The following CSAD variants were observed in gnomAD, a reference collection of about 807,000 sequenced individuals.
CSAD encodes the protein cysteine sulfinic acid decarboxylase, also known as P-selectin cytoplasmic tail-associated protein.
CSAD carries 47 observed loss-of-function variants against 61.5 expected under a neutral mutation model. The ratio of observed to expected loss-of-function variants is 0.76; its 90% CI spans 0.60 to 0.97. The LOEUF (loss-of-function observed/expected upper bound fraction) is 0.97, where lower values mean the gene tolerates loss of function less well. Among genes scored for constraint, CSAD ranks in the 50% least tolerant of loss-of-function variants. The probability of loss-of-function intolerance (pLI) is 0.00; values close to 1 mark genes in which losing one functional copy is unlikely to be tolerated. For synonymous variants in CSAD, 245 were observed against 252.7 expected, an observed-to-expected ratio of 0.97 and a Z score of 0.29; for missense variants, 611 against 643.6, an observed-to-expected ratio of 0.95 and a Z score of 0.55.
In CSAD at chr12:53,160,256, C is replaced by G; in HGVS notation, c.1030G>C (p.Asp344His). 1 of 1,614,226 alleles carries G rather than the reference C, an allele frequency of 6.2e-7. No homozygotes were observed. Among genetic ancestry groups the G allele is most frequent in the East Asian group, 2.2e-5 (1 of 44,880 alleles). The change falls in exon 14 of 17, where the codon GAT (aspartate) becomes CAT (histidine). Residue 344 changes from aspartate (D) to histidine (H), a missense_variant. Physicochemically the swap from Asp to His is moderately conservative, Grantham distance 81 (BLOSUM62 -1). Coordinates refer to ENST00000444623, the MANE Select transcript of CSAD (RefSeq NM_001244705.2). ...TTGTCTCCCGTGTCCAGAGCCACAT[C>G]GTAGAACTTGTCCTGCTGGAAAAGG... The part of the protein sequence containing the change: ...SYLFQQDKFY[D>H]VALDTGDKVV...
At chr12:53,176,578 G>T (rs1167658164) in intron 2 of CSAD, among the ~76,000 whole-genome samples, 1 of 151,736 alleles carries the variant, frequency 6.6e-6, no homozygotes, top group Non-Finnish European at 1.5e-5. Flanking sequence ...AATTAGCCCG[G>T]CATGGTGGTG....
At chr12:53,180,151 C>T (rs1052699146) in intron 1 of CSAD, 17 of 1,255,758 alleles carry the variant, frequency 1.4e-5, no homozygotes, top group African/African-American at 4.7e-5. Flanking sequence ...TGCGAGAATT[C>T]AGACTGTGGT....
At chr12:53,162,503 G>A (rs150397656) in intron 10 of CSAD, among the ~76,000 whole-genome samples, 4,224 of 152,288 alleles carry the variant, frequency 0.028, 185 homozygotes, top group African/African-American at 0.096. Context: ...GGGCAGCAGA[G>A]GTTGCAGTGA....
chr12:53,158,614 G>A lies in CSAD; in HGVS notation c.1379C>T (p.Thr460Ile), dbSNP rs779470500. ...SMMIGYQPHG[T>I]RGNFFRVVVA... ...AACCACACGGAAGAAGTTGCCCCGG[G>A]TCCCGTGGGGCTGGTAGCCAATCAT... Residue 460 changes from threonine to isoleucine, a missense_variant, in exon 17 of 17, where the codon ACC becomes ATC. By Grantham distance (89) the Thr-to-Ile change is moderately conservative. Transcript: ENST00000444623. 5 of 1,614,188 alleles carry A rather than the reference G, an allele frequency of 3.1e-6. No homozygotes were observed. The highest frequency in any genetic ancestry group is 3.4e-6 in the Non-Finnish European group (4 of 1,180,026).
chr12:53,160,759 C>A lies in CSAD; in HGVS notation c.966+4G>T, dbSNP rs762859560. 2.7e-5 allele frequency: 42 copies of A among 1,551,222 alleles called. 2 individuals are homozygous for A. The South Asian group carries it at 4.3e-4, about 16-fold the overall frequency. ...GGCTGGTGCAGGGGCAGGGGCAGAC[C>A]CACCGAGGTATCCTGGAGAAGAAGT... On this transcript the variant is annotated splice_donor_region_variant and intron_variant, in intron 13 of 16. Transcript: ENST00000444623.
intron 1 of CSAD, chr12:53,180,140 C>A: frequency 7.9e-7 from 1 of 1,265,662 alleles, no homozygotes. Context: ...AGGAACGCCT[C>A]TGCGAGAATT....
At chr12:53,163,916 C>T (rs952055690) in intron 10 of CSAD, among the ~76,000 whole-genome samples, 2 of 152,218 alleles carry the variant, frequency 1.3e-5, no homozygotes, top group African/African-American at 4.8e-5. Flanking sequence ...ACATGTAGAT[C>T]AGTGGAACAG....
rs752693160 is a variant in CSAD at position 53,158,432 on chromosome 12, G to A, written c.*79C>T. 2.4e-5 allele frequency: 35 copies of A among 1,447,880 alleles called. 1 individual carries two copies. The highest frequency in any genetic ancestry group is 4.7e-5 in the East Asian group (2 of 42,968). 89.7% of individuals were successfully genotyped at this position (1,447,880 alleles called of 1,614,324 possible). A position where few individuals can be genotyped will look rare whatever the true frequency, so the allele number is the denominator to read the frequency against. ...ATTACAGGCGTGAGCCACTGCACCCGGCCTCAAAGGCTGGGAGGGAATGCA... is the reference window on the plus strand; with the variant it reads ...ATTACAGGCGTGAGCCACTGCACCCAGCCTCAAAGGCTGGGAGGGAATGCA... On this transcript the variant is annotated 3_prime_UTR_variant, in exon 17 of 17. Coordinates refer to ENST00000444623, the MANE Select transcript of CSAD (RefSeq NM_001244705.2).
At chr12:53,163,133 G>T (rs955884429) in intron 10 of CSAD, among the ~76,000 whole-genome samples, 2 of 152,136 alleles carry the variant, frequency 1.3e-5, no homozygotes, top group African/African-American at 2.4e-5. Flanking sequence ...TACCTGGGAG[G>T]CTGAGGTGGG....
At position 53,157,842 on chromosome 12, in the gene CSAD, C is replaced by A. The variant is rs760415030; in HGVS notation, c.*669G>T. On this transcript the variant is annotated 3_prime_UTR_variant, in exon 17 of 17. Coordinates refer to ENST00000444623, the MANE Select transcript of CSAD (RefSeq NM_001244705.2). The stretch of plus-strand genomic sequence containing the variant: ...ATCCTATTCCAGGGAAAACTATTAA[C>A]ATTTTGCCATATTTCATTTTATCAG... The A allele has an allele frequency of 6.6e-6, 1 of 152,022 alleles. No homozygotes were observed. Among genetic ancestry groups the A allele is most frequent in the Non-Finnish European group, 1.5e-5 (1 of 68,006 alleles). The allele number at this position is 152,022 out of a possible 1,614,324, so 9.4% of individuals were successfully genotyped here. A position where few individuals can be genotyped will look rare whatever the true frequency, so the allele number is the denominator to read the frequency against.
rs202014606 is a variant in CSAD at position 53,170,232 on chromosome 12, G to C, written c.648-106C>G. On this transcript the variant is annotated intron_variant, in intron 9 of 16. Coordinates refer to ENST00000444623, the MANE Select transcript of CSAD (RefSeq NM_001244705.2). The stretch of plus-strand genomic sequence containing the variant: ...ACAACAGTGCTAGTTTTTCCCTCAG[G>C]GGGTGAAACAGATCTCAGGGCAGAG... 53 of 1,138,626 alleles carry C rather than the reference G, an allele frequency of 4.7e-5. No homozygotes were observed. The East Asian group carries it at 9.1e-4, about 20-fold the overall frequency. 70.5% of individuals were successfully genotyped at this position (1,138,626 alleles called of 1,614,324 possible).
At chr12:53,178,876 T>G (rs56095698) in intron 2 of CSAD, among the ~76,000 whole-genome samples, 97 of 152,374 alleles carry the variant, frequency 6.4e-4, no homozygotes, top group African/African-American at 2.2e-3. Flanking sequence ...TTTTTTCTTT[T>G]TTGAGACAGA....
chr12:53,171,408 A>G lies in CSAD; in HGVS notation c.485T>C (p.Leu162Pro), dbSNP rs1020398984. The G allele has an allele frequency of 1.2e-6, 2 of 1,613,950 alleles. No individual in the cohort carries two copies. Among genetic ancestry groups the G allele is most frequent in the Non-Finnish European group, 1.7e-6 (2 of 1,180,010 alleles). Reference protein sequence around the residue: ...GSISNMYAVNLARYQRYPDCK... With the variant: ...GSISNMYAVNPARYQRYPDCK... ...ATCCGGGTAGCGCTGATAGCGGGCC[A>G]GATTTACAGCATACATGTTGGAGAT... Residue 162 changes from leucine to proline, a missense_variant, in exon 8 of 17, where the codon CTG (leucine) becomes CCG (proline). Leu to Pro is a moderately conservative substitution (Grantham distance 98). Transcript: ENST00000444623.
intron 12 of CSAD, 28 bp downstream of exon 12, chr12:53,161,099 G>T (rs1044193756): frequency 6.2e-7 from 1 of 1,608,030 alleles, no homozygotes. Flanking sequence ...TGAAGGGCGG[G>T]ATTTGGGAAG....
chr12:53,170,441 A>G lies in CSAD; in HGVS notation c.629T>C (p.Val210Ala). 1.2e-6 allele frequency: 2 copies of G among 1,614,014 alleles called. No homozygotes were observed. The highest frequency in any genetic ancestry group is 4.5e-5 in the East Asian group (2 of 44,878). Residue 210 changes from valine to alanine, a missense_variant, in exon 9 of 17, where the codon GTG becomes GCG. Transcript: ENST00000444623. The part of the protein sequence containing the change: ...FLGLGTDSVR[V>A]VKADERGKMV... ...CCTTCACCTCTCATCAGCCTTGACC[A>G]CTCGGACACTGTCGGTGCCAAGTCC...
At chr12:53,174,809 T>G (rs966630028) in intron 2 of CSAD, among the ~76,000 whole-genome samples, 10 of 152,060 alleles carry the variant, frequency 6.6e-5, no homozygotes, top group African/African-American at 2.4e-4. Context: ...TATATATATA[T>G]GGAGGAATTA....
chr12:53,179,950 T>C, intron 1 of CSAD: 1 of 1,559,236 alleles, frequency 6.4e-7, no homozygotes, highest in Non-Finnish European at 8.6e-7. Flanking sequence ...CCCATAAGAC[T>C]AGTCTACTGT....
chr12:53,176,345 G>A (rs557941511), intron 2 of CSAD, among the ~76,000 whole-genome samples: 1 of 152,204 alleles, frequency 6.6e-6, no homozygotes, highest in South Asian at 2.1e-4. Flanking sequence ...GGGAGGCAGA[G>A]GTTGCAGTGA....
intron 2 of CSAD, chr12:53,178,533 TG>T: frequency 3.4e-6 from 1 of 297,410 alleles, no homozygotes; most frequent in Non-Finnish European, 6.8e-6. Context: ...GGCTCACACC[TG>T]GAATCCCAGC....
Sources: gnomAD v4.1 joint callset for allele counts (sites outside exome capture counted in the v4.1 genomes callset) on GRCh38, gnomAD v4.1.1 for gene constraint, MANE v1.5 for transcripts, NCBI Gene and HGNC (gene_info 2026-07-23, HGNC 2026-07-21) for gene names.